The following CDH12 variants were observed in gnomAD, a reference collection of about 807,000 sequenced individuals.
CDH12 encodes cadherin 12.
CDH12 carries 41 observed loss-of-function variants against 74.1 expected under a neutral mutation model. That is an observed-to-expected ratio of 0.55 (90% CI 0.43 to 0.72). CDH12 has a LOEUF of 0.72. Ranked by LOEUF, CDH12 falls within the 30% of genes least tolerant of loss-of-function variation. The pLI is 0.00. For missense variants in CDH12, 945 were observed against 977.2 expected (o/e 0.97, Z 0.44); for synonymous variants, 399 against 355.0 (o/e 1.12, Z -1.39).
At chr5:22,824,602 A>T (rs1232622254) in intron 1 of CDH12, among the ~76,000 whole-genome samples, 1 of 152,120 alleles carries the variant, frequency 6.6e-6, no homozygotes, top group Non-Finnish European at 1.5e-5. Flanking sequence ...TACCAACATA[A>T]GCATTAAATA....
At chr5:21,879,910 A>G (rs1221517075) in intron 6 of CDH12, among the ~76,000 whole-genome samples, 18 of 152,250 alleles carry the variant, frequency 1.2e-4, no homozygotes, top group Non-Finnish European at 1.6e-4. Context: ...TAGTTGATCT[A>G]ACAGGTAGAT....
intron 14 of CDH12, among the ~76,000 whole-genome samples, chr5:21,754,521 G>A (rs1238151063): frequency 2.0e-5 from 3 of 151,816 alleles, no homozygotes; most frequent in Admixed American, 1.3e-4. Flanking sequence ...GCACACCAAA[G>A]TTTCTCACGT....
intron 6 of CDH12, among the ~76,000 whole-genome samples, chr5:21,874,483 A>G (rs1291598695): frequency 1.3e-5 from 2 of 152,224 alleles, no homozygotes; most frequent in East Asian, 3.9e-4. Context: ...CAGGAGGTAA[A>G]GAAATAGCCA....
At chr5:22,544,488 A>G (rs1415895434) in intron 1 of CDH12, among the ~76,000 whole-genome samples, 1 of 152,130 alleles carries the variant, frequency 6.6e-6, no homozygotes, top group Non-Finnish European at 1.5e-5. Flanking sequence ...AGAATCTCAG[A>G]TCATCCATCT....
intron 1 of CDH12, among the ~76,000 whole-genome samples, chr5:22,820,068 G>A (rs1465965328): frequency 2.1e-5 from 3 of 140,858 alleles, no homozygotes; most frequent in Non-Finnish European, 3.1e-5. Flanking sequence ...GACCTAAAAG[G>A]CAGTGGGTTT....
intron 4 of CDH12, among the ~76,000 whole-genome samples, chr5:22,152,542 GA>G (rs1258778341): frequency 6.6e-6 from 1 of 152,120 alleles, no homozygotes; most frequent in African/African-American, 2.4e-5. Context: ...CGTACAACAT[GA>G]AATTTTGAAA....
intron 4 of CDH12, among the ~76,000 whole-genome samples, chr5:22,169,454 T>C (rs1381857913): frequency 6.6e-6 from 1 of 151,954 alleles, no homozygotes; most frequent in Non-Finnish European, 1.5e-5. Flanking sequence ...AGTCAAACTG[T>C]TATGCAGCCT....
chr5:22,630,394 T>A (rs906910959), intron 1 of CDH12, among the ~76,000 whole-genome samples: 7 of 152,012 alleles, frequency 4.6e-5, no homozygotes, highest in Non-Finnish European at 7.4e-5. Context: ...AACTTCGAAC[T>A]AAGCTAAAAC....
intron 6 of CDH12, among the ~76,000 whole-genome samples, chr5:21,880,479 CT>C (rs1752191109): frequency 7.9e-5 from 2 of 25,364 alleles, no homozygotes; most frequent in Middle Eastern, 0.042. Context: ...TCCTTCCTTC[CT>C]TCCTTCCTTC....
At chr5:22,382,808 T>C (rs574930779) in intron 3 of CDH12, among the ~76,000 whole-genome samples, 1 of 142,944 alleles carries the variant, frequency 7.0e-6, no homozygotes, top group Admixed American at 7.5e-5. Context: ...TTGGACTAAA[T>C]TTCATGTTAT....
chr5:22,601,481 A>G (rs1736852205), intron 1 of CDH12, among the ~76,000 whole-genome samples: 1 of 152,110 alleles, frequency 6.6e-6, no homozygotes, highest in African/African-American at 2.4e-5. Flanking sequence ...GTACACATGT[A>G]ATAAACTATG....
chr5:22,501,957 T>C (rs1193079692), intron 2 of CDH12, among the ~76,000 whole-genome samples: 1 of 152,112 alleles, frequency 6.6e-6, no homozygotes, highest in East Asian at 1.9e-4. Context: ...TTCATACCAA[T>C]GCCCTAAAGA....
intron 3 of CDH12, among the ~76,000 whole-genome samples, chr5:22,351,906 A>G (rs1232153127): frequency 6.6e-6 from 1 of 152,188 alleles, no homozygotes; most frequent in East Asian, 1.9e-4. Flanking sequence ...GTAGTAATTG[A>G]AGAAAAAAAT....
At chr5:22,728,319 C>G (rs1744266722) in intron 1 of CDH12, among the ~76,000 whole-genome samples, 1 of 151,704 alleles carries the variant, frequency 6.6e-6, no homozygotes. Flanking sequence ...TTTAACTTCT[C>G]TTGAGTAGAT....
intron 2 of CDH12, among the ~76,000 whole-genome samples, chr5:22,446,587 A>G (rs1290331568): frequency 6.6e-6 from 1 of 152,214 alleles, no homozygotes; most frequent in African/African-American, 2.4e-5. Flanking sequence ...ATCTTTTTTG[A>G]TGCATGAAAC....
chr5:21,905,699 C>T (rs527436162), intron 6 of CDH12, among the ~76,000 whole-genome samples: 12 of 152,236 alleles, frequency 7.9e-5, no homozygotes, highest in African/African-American at 2.9e-4. Context: ...CTCATTCATT[C>T]TAGTTTTGAG....
intron 6 of CDH12, among the ~76,000 whole-genome samples, chr5:21,921,932 T>C (rs1754371640): frequency 1.3e-5 from 2 of 152,198 alleles, no homozygotes; most frequent in Non-Finnish European, 2.9e-5. Context: ...TAACTCACTG[T>C]CAAAGCTTCA....
intron 2 of CDH12, among the ~76,000 whole-genome samples, chr5:22,414,112 A>C (rs2126479415): frequency 6.6e-6 from 1 of 152,142 alleles, no homozygotes; most frequent in East Asian, 1.9e-4. Context: ...TTTTGTTCCA[A>C]ACTGAAAATA....
intron 8 of CDH12, among the ~76,000 whole-genome samples, chr5:21,822,080 C>T (rs1021394032): frequency 1.3e-5 from 2 of 151,852 alleles, no homozygotes; most frequent in Non-Finnish European, 2.9e-5. Flanking sequence ...TCCCTCTTTT[C>T]CTGATCGTTT....
Sources: gnomAD v4.1 joint callset for allele counts (sites outside exome capture counted in the v4.1 genomes callset) on GRCh38, gnomAD v4.1.1 for gene constraint, MANE v1.5 for transcripts, NCBI Gene and HGNC (gene_info 2026-07-23, HGNC 2026-07-21) for gene names.